The following KIAA1217 variants were observed in gnomAD, a reference collection of about 807,000 sequenced individuals.
The protein encoded by KIAA1217 is KIAA1217.
Under a neutral mutation model 163.9 loss-of-function variants are expected in KIAA1217, and 88 were observed. That is an observed-to-expected ratio of 0.54 (90% CI 0.45 to 0.64). KIAA1217 has a LOEUF of 0.64. Among genes scored for constraint, KIAA1217 ranks in the 30% least tolerant of loss-of-function variants. The pLI is 0.00. For missense variants in KIAA1217, 2,372 were observed against 2,475.0 expected, an observed-to-expected ratio of 0.96 and a Z score of 0.88; for synonymous variants, 903 against 923.1, an observed-to-expected ratio of 0.98 and a Z score of 0.39.
intron 9 of KIAA1217, among the ~76,000 whole-genome samples, chr10:24,510,943 G>A (rs1564828212): frequency 1.3e-5 from 2 of 152,036 alleles, no homozygotes; most frequent in Non-Finnish European, 2.9e-5. Flanking sequence ...TCATTCAACA[G>A]ATGTATTTTC....
chr10:24,447,767 T>C (rs1047679751), intron 5 of KIAA1217, among the ~76,000 whole-genome samples: 1 of 152,222 alleles, frequency 6.6e-6, no homozygotes, highest in Non-Finnish European at 1.5e-5. Context: ...TATCCCGCTA[T>C]TGGCCACTGA....
intron 1 of KIAA1217, among the ~76,000 whole-genome samples, chr10:23,849,222 A>G (rs916795863): frequency 3.9e-5 from 6 of 152,132 alleles, no homozygotes; most frequent in East Asian, 1.9e-4. Flanking sequence ...TAAAATATAT[A>G]AATCTCCAAT....
At chr10:24,136,782 T>C (rs1589632216) in intron 2 of KIAA1217, among the ~76,000 whole-genome samples, 1 of 152,224 alleles carries the variant, frequency 6.6e-6, no homozygotes, top group African/African-American at 2.4e-5. Context: ...TGACTGAGCA[T>C]TTAACTAGCC....
rs56269740 is a variant in KIAA1217 at position 24,427,541 on chromosome 10, T to C, written c.554-5454T>C. ...ATTGCTTGGACTTTCTGAGCTTTTA[T>C]TTCCTTATCTGTGAAATGGGGTCAT... On this transcript the variant is annotated intron_variant, in intron 3 of 20. Transcript: ENST00000376454. Among the ~76,000 whole-genome samples the C allele has an allele frequency of 3.9e-3, 599 of 152,352 alleles. 5 individuals are homozygous for C. The highest frequency in any genetic ancestry group is 0.013 in the African/African-American group (556 of 41,590).
chr10:23,733,897 T>G (rs1296577118), intron 1 of KIAA1217, among the ~76,000 whole-genome samples: 1 of 152,254 alleles, frequency 6.6e-6, no homozygotes, highest in African/African-American at 2.4e-5. Context: ...TTGTCTTTTA[T>G]AAATTGTTCT....
At chr10:24,096,198 G>A (rs573628297) in intron 2 of KIAA1217, among the ~76,000 whole-genome samples, 1 of 152,258 alleles carries the variant, frequency 6.6e-6, no homozygotes, top group South Asian at 2.1e-4. Context: ...CTCCTTAAAG[G>A]TGACCATGGT....
chr10:23,931,254 T>A (rs1411236866), intron 1 of KIAA1217, among the ~76,000 whole-genome samples: 1 of 152,164 alleles, frequency 6.6e-6, no homozygotes, highest in Admixed American at 6.6e-5. Context: ...AGCTTGTCCA[T>A]TTCATGGATA....
chr10:23,989,248 G>A (rs1846110661), intron 1 of KIAA1217, among the ~76,000 whole-genome samples: 1 of 152,130 alleles, frequency 6.6e-6, no homozygotes, highest in African/African-American at 2.4e-5. Flanking sequence ...ACATGGAGGA[G>A]GCTTCTATAA....
At chr10:24,087,927 C>CAGTT (rs2061762025) in intron 2 of KIAA1217, among the ~76,000 whole-genome samples, 1 of 71,590 alleles carries the variant, frequency 1.4e-5, no homozygotes, top group Non-Finnish European at 5.5e-5. Context: ...CCTCCCAAGC[C>CAGTT]TTCCCATGAT....
chr10:24,539,388 C>G (rs1015022797), intron 17 of KIAA1217, among the ~76,000 whole-genome samples: 2 of 152,008 alleles, frequency 1.3e-5, no homozygotes, highest in African/African-American at 2.4e-5. Flanking sequence ...ACCACCACAC[C>G]CGGCTAATTT....
chr10:24,510,318 T>C (rs2134197327), intron 9 of KIAA1217, among the ~76,000 whole-genome samples: 1 of 152,320 alleles, frequency 6.6e-6, no homozygotes, highest in Non-Finnish European at 1.5e-5. Context: ...TGATATCCAT[T>C]GTTAATATCC....
chr10:23,759,185 T>C (rs753691547), intron 1 of KIAA1217, among the ~76,000 whole-genome samples: 2 of 152,198 alleles, frequency 1.3e-5, no homozygotes, highest in Non-Finnish European at 2.9e-5. Flanking sequence ...GCTATTGTAA[T>C]GGAGTTGTTT....
At chr10:24,374,935 G>A (rs547237506) in intron 2 of KIAA1217, among the ~76,000 whole-genome samples, 2 of 152,180 alleles carry the variant, frequency 1.3e-5, no homozygotes, top group South Asian at 2.1e-4. Context: ...CACGTGTGCA[G>A]CACCACACCT....
chr10:24,343,882 A>G (rs138189318), intron 2 of KIAA1217, among the ~76,000 whole-genome samples: 215 of 152,352 alleles, frequency 1.4e-3, no homozygotes, highest in Admixed American at 3.7e-3. Flanking sequence ...CCACTTTGTG[A>G]GATCCAAATT....
intron 3 of KIAA1217, among the ~76,000 whole-genome samples, chr10:24,426,419 C>T (rs986976984): frequency 6.6e-6 from 1 of 151,926 alleles, no homozygotes; most frequent in Non-Finnish European, 1.5e-5. Flanking sequence ...GTCAGGAGTT[C>T]GAGAACAGCC....
chr10:23,993,553 C>CCTGTTTT (rs1846317317), intron 1 of KIAA1217, among the ~76,000 whole-genome samples: 1 of 68,956 alleles, frequency 1.5e-5, no homozygotes, highest in Non-Finnish European at 2.4e-5. Context: ...CATAGCCCAG[C>CCTGTTTT]TTTTTTTTTT....
chr10:23,738,452 A>G (rs775573535), intron 1 of KIAA1217, among the ~76,000 whole-genome samples: 2 of 152,132 alleles, frequency 1.3e-5, no homozygotes, highest in Non-Finnish European at 2.9e-5. Flanking sequence ...CTACTCTGAA[A>G]ATGCTTCTCA....
chr10:23,791,453 A>G (rs1472000862), intron 1 of KIAA1217, among the ~76,000 whole-genome samples: 2 of 152,228 alleles, frequency 1.3e-5, no homozygotes, highest in Non-Finnish European at 2.9e-5. Flanking sequence ...ACTTAGAAAT[A>G]TATCACGAGA....
chr10:24,125,508 T>G (rs553742468), intron 2 of KIAA1217, among the ~76,000 whole-genome samples: 2 of 152,188 alleles, frequency 1.3e-5, no homozygotes, highest in African/African-American at 4.8e-5. Context: ...AAAGTTGTTT[T>G]TGATATTTTT....
Sources: gnomAD v4.1 joint callset for allele counts (sites outside exome capture counted in the v4.1 genomes callset) on GRCh38, gnomAD v4.1.1 for gene constraint, MANE v1.5 for transcripts, NCBI Gene and HGNC (gene_info 2026-07-23, HGNC 2026-07-21) for gene names.